Variants in ACSL4 observed in about 807,000 individuals in gnomAD.
The protein encoded by ACSL4 is long-chain-fatty-acid--CoA ligase 4.
A neutral mutation model predicts 49.1 loss-of-function variants in ACSL4; 9 were observed. The observed-to-expected ratio is 0.18, with a 90% CI of 0.11 to 0.32. ACSL4 has a LOEUF of 0.32. ACSL4 is among the 10% of genes least tolerant of loss of function. The pLI, the probability that ACSL4 is intolerant of heterozygous loss-of-function variation, is 1.00. For missense variants in ACSL4, 333 were observed against 493.7 expected, an observed-to-expected ratio of 0.67 and a Z score of 3.08; for synonymous variants, 191 against 170.3, an observed-to-expected ratio of 1.12 and a Z score of -0.95.
At chrX:109,651,037 T>A (rs1354718348) in intron 15 of ACSL4, among the ~76,000 whole-genome samples, 1 of 112,276 alleles carries the variant, frequency 8.9e-6, no homozygotes, top group Non-Finnish European at 1.9e-5. Context: ...ATTTGAGTTA[T>A]ACAACTTAAT....
intron 15 of ACSL4, among the ~76,000 whole-genome samples, chrX:109,649,014 G>A (rs1404658850): frequency 1.9e-5 from 2 of 105,388 alleles, no homozygotes; most frequent in African/African-American, 7.0e-5. Flanking sequence ...CAGTGCTCAA[G>A]GAAATAAAAG....
In ACSL4 at chrX:109,641,703, A is replaced by C. The variant is rs1934449376; in HGVS notation, c.*2326T>G. On this transcript the variant is annotated 3_prime_UTR_variant, in exon 16 of 16. Transcript: ENST00000672401. ...ATCTGTATTTCTGAAATATCACACA[A>C]TTATACCTCTACTCTAGAGAAAAAA... 8.9e-6 allele frequency: 1 copy of C among 112,225 alleles called. No individual in the cohort carries two copies. The highest frequency in any genetic ancestry group is 1.9e-5 in the Non-Finnish European group (1 of 53,145). 9.2% of individuals were successfully genotyped at this position (112,225 alleles called of 1,213,427 possible).
intron 15 of ACSL4, among the ~76,000 whole-genome samples, chrX:109,648,168 A>G (rs1195956087): frequency 6.3e-5 from 7 of 111,888 alleles, no homozygotes; most frequent in African/African-American, 2.3e-4. Flanking sequence ...TCCCTAACTC[A>G]TTTTATGAGG....
chrX:109,715,299 T>C (rs945428698), intron 1 of ACSL4, among the ~76,000 whole-genome samples: 2 of 111,253 alleles, frequency 1.8e-5, no homozygotes, highest in Non-Finnish European at 3.8e-5. Context: ...GGGGGCACAT[T>C]ACACAGGACC....
chrX:109,694,036 AAAT>A lies in ACSL4; in HGVS notation c.-13+2105_-13+2107del, dbSNP rs747373509. 1.5e-3 allele frequency among the ~76,000 whole-genome samples: 164 copies of A among 112,107 alleles called. 1 individual carries two copies. Among genetic ancestry groups the A allele is most frequent in the Non-Finnish European group, 4.9e-4 (26 of 53,218 alleles). ...GTATAGTCTGTCAACTTCCAAAAGG[AAAT>A]AATAATTTTGCTGATATTTTAACTT... On this transcript the variant is annotated intron_variant, in intron 2 of 15. Coordinates refer to ENST00000672401, the MANE Select transcript of ACSL4 (RefSeq NM_001318510.2).
chrX:109,689,357 C>T (rs1924861726), intron 2 of ACSL4, among the ~76,000 whole-genome samples: 1 of 112,071 alleles, frequency 8.9e-6, no homozygotes, highest in Non-Finnish European at 1.9e-5. Context: ...ATTCTAAACT[C>T]AGAAGCCAGA....
chrX:109,647,562 G>A (rs1045358752), intron 15 of ACSL4, among the ~76,000 whole-genome samples: 1 of 111,668 alleles, frequency 9.0e-6, no homozygotes, highest in Non-Finnish European at 1.9e-5. Flanking sequence ...ATGCCCACAA[G>A]AGAAAGCAGG....
chrX:109,699,384 G>A (rs1429448602), intron 1 of ACSL4, among the ~76,000 whole-genome samples: 1 of 112,258 alleles, frequency 8.9e-6, no homozygotes, highest in East Asian at 2.8e-4. Flanking sequence ...AAAGTTTTTA[G>A]CATTTAATGT....
At chrX:109,655,151 T>C (rs1018457173) in intron 15 of ACSL4, among the ~76,000 whole-genome samples, 2 of 111,931 alleles carry the variant, frequency 1.8e-5, no homozygotes, top group African/African-American at 6.5e-5. Context: ...TTTTAGTACC[T>C]GGTTCCTGAA....
chrX:109,672,526 TA>T (rs1923349852), intron 9 of ACSL4, among the ~76,000 whole-genome samples: 1 of 112,001 alleles, frequency 8.9e-6, no homozygotes, highest in African/African-American at 3.2e-5. Flanking sequence ...AGTAGTGACT[TA>T]TTCTGAATTT....
At position 109,724,967 on chromosome X, in the gene ACSL4, G is replaced by A. The variant is rs181870766; in HGVS notation, c.-66+8172C>T. Among the ~76,000 whole-genome samples the A allele has an allele frequency of 4.0e-3, 438 of 109,256 alleles. 4 individuals carry two copies. Among genetic ancestry groups the A allele is most frequent in the Non-Finnish European group, 7.2e-3 (376 of 52,534 alleles). 94.9% of individuals were successfully genotyped at this position (109,256 alleles called of 115,157 possible). A position where few individuals can be genotyped will look rare whatever the true frequency, so the allele number is the denominator to read the frequency against. On this transcript the variant is annotated intron_variant, in intron 1 of 15. Coordinates refer to ENST00000672401, the MANE Select transcript of ACSL4 (RefSeq NM_001318510.2). ...AGATGGGGTTTCACCATGTTGCCCA[G>A]GCTGGTCTCAAACTCCTGGCCTCAA... is the stretch of plus-strand genomic sequence containing the variant.
intron 15 of ACSL4, among the ~76,000 whole-genome samples, chrX:109,649,589 A>G (rs1486164434): frequency 1.8e-5 from 2 of 111,013 alleles, no homozygotes; most frequent in Non-Finnish European, 3.8e-5. Flanking sequence ...GAAAACCTAG[A>G]CATTACCATT....
intron 1 of ACSL4, among the ~76,000 whole-genome samples, chrX:109,710,268 C>T (rs1926660408): frequency 9.0e-6 from 1 of 111,640 alleles, no homozygotes; most frequent in South Asian, 3.7e-4. Flanking sequence ...GAGAACAAGG[C>T]AAGAATGTAT....
intron 1 of ACSL4, among the ~76,000 whole-genome samples, chrX:109,712,577 C>T (rs1482697311): frequency 8.9e-6 from 1 of 112,204 alleles, no homozygotes; most frequent in Non-Finnish European, 1.9e-5. Context: ...TGGCTAGTGT[C>T]CCTGAATATT....
intron 8 of ACSL4, among the ~76,000 whole-genome samples, chrX:109,675,727 T>C (rs904385307): frequency 8.9e-6 from 1 of 112,345 alleles, no homozygotes; most frequent in African/African-American, 3.2e-5. Context: ...AAATGTTTTC[T>C]ACATTTTGAT....
intron 2 of ACSL4, among the ~76,000 whole-genome samples, chrX:109,690,027 A>C (rs1050320558): frequency 1.4e-4 from 16 of 112,319 alleles, no homozygotes; most frequent in African/African-American, 5.2e-4. Flanking sequence ...AAAAACAATC[A>C]CTTGTCCATG....
rs150390856 is a variant in ACSL4, at chrX:109,694,770, C to T, written c.-13+1374G>A. 1.6e-3 allele frequency among the ~76,000 whole-genome samples: 175 copies of T among 111,695 alleles called. 1 individual carries two copies. In the East Asian group the frequency reaches 0.04, roughly 26 times the overall value. ...GTAAAAACGTTTTCACTAACCAGCA[C>T]TGGTCTAAAAATCAACAATCGGGGA... On this transcript the variant is annotated intron_variant, in intron 2 of 15. Coordinates refer to ENST00000672401, the MANE Select transcript of ACSL4 (RefSeq NM_001318510.2).
At chrX:109,720,323 CA>C (rs1219271058) in intron 1 of ACSL4, among the ~76,000 whole-genome samples, 99 of 93,637 alleles carry the variant, frequency 1.1e-3, no homozygotes, top group African/African-American at 8.9e-4. Flanking sequence ...GAGCGAGACT[CA>C]AAAAAAAAAA....
chrX:109,724,688 G>C (rs1378313904), intron 1 of ACSL4, among the ~76,000 whole-genome samples: 1 of 110,484 alleles, frequency 9.1e-6, no homozygotes, highest in African/African-American at 3.3e-5. Flanking sequence ...GAGGCAGGCA[G>C]ATCACTTGAG....
Sources: gnomAD v4.1 joint callset for allele counts (sites outside exome capture counted in the v4.1 genomes callset) on GRCh38, gnomAD v4.1.1 for gene constraint, MANE v1.5 for transcripts, NCBI Gene and HGNC (gene_info 2026-07-23, HGNC 2026-07-21) for gene names.